Variants in YARS2 observed in about 807,000 individuals in gnomAD.
YARS2 encodes the protein tyrosine--tRNA ligase, mitochondrial.
In YARS2, 38 loss-of-function variants were observed where a neutral mutation model predicts 45.0. The observed-to-expected ratio is 0.84, with a 90% CI of 0.65 to 1.11. The LOEUF (loss-of-function observed/expected upper bound fraction) is 1.11, where lower values mean the gene tolerates loss of function less well. YARS2 is among the 50% of genes least tolerant of loss of function. YARS2 has a pLI of 0.00. For missense variants in YARS2, 602 were observed against 599.8 expected, an observed-to-expected ratio of 1.00 and a Z score of -0.04; for synonymous variants, 287 against 245.1, an observed-to-expected ratio of 1.17 and a Z score of -1.60.
At position 32,750,042 on chromosome 12, in the gene YARS2, T is replaced by C; in HGVS notation, c.1169A>G (p.Lys390Arg). The stretch of plus-strand genomic sequence containing the variant: ...AAATGGAGCTTCTTTAAACAACTCT[T>C]TTAACTCCTGATCAGACATGACCTC... ...ALEVMSDQELKELFKEAPFSE... is the reference protein window; with the variant it reads ...ALEVMSDQELRELFKEAPFSE... Residue 390 changes from lysine to arginine, a missense_variant, in exon 4 of 5, where the codon AAA becomes AGA. By Grantham distance (26) the Lys-to-Arg change is conservative. Transcript: ENST00000324868. The C allele has an allele frequency of 6.2e-7, 1 of 1,614,024 alleles. No homozygotes were observed. Among genetic ancestry groups the C allele is most frequent in the Non-Finnish European group, 8.5e-7 (1 of 1,179,894 alleles).
chr12:32,753,365 C>G (rs1955785316), intron 2 of YARS2, among the ~76,000 whole-genome samples: 1 of 152,204 alleles, frequency 6.6e-6, no homozygotes, highest in African/African-American at 2.4e-5. Flanking sequence ...TGCTCAATAG[C>G]ATCTTTTAAT....
intron 2 of YARS2, among the ~76,000 whole-genome samples, chr12:32,753,427 T>A (rs1206331165): frequency 2.6e-5 from 4 of 152,244 alleles, no homozygotes; most frequent in African/African-American, 9.6e-5. Flanking sequence ...TATTCCTAGA[T>A]TACTTTGATG....
rs1017570015 is a variant in YARS2 at position 32,754,001 on chromosome 12, G to A, written c.864C>T (p.Asn288=). 13 of 1,614,062 alleles carry A rather than the reference G, an allele frequency of 8.1e-6. No homozygotes were observed. The highest frequency in any genetic ancestry group is 1.0e-5 in the Non-Finnish European group (12 of 1,180,040). The change falls in exon 2 of 5, where the codon AAC becomes AAT. Residue 288 remains asparagine, a synonymous_variant. Transcript: ENST00000324868. ...TCTTATCTCTGTTTAGCCAAACAGC[G>A]TTGCCAGCAGACTTTCCCAGCTTTG... is the stretch of plus-strand genomic sequence containing the variant. ...TGAKLGKSAG[N]AVWLNRDKTS...
chr12:32,750,984 T>TA, intron 2 of YARS2, 110 bp from the exon 3 acceptor site: 1 of 1,229,862 alleles, frequency 8.1e-7, no homozygotes, highest in South Asian at 1.3e-5. Flanking sequence ...GAAACAAACA[T>TA]ACAGAAATGT....
rs1955834072 is a variant in YARS2 at position 32,755,624 on chromosome 12, G to C, written c.251C>G (p.Ala84Gly). Residue 84 changes from alanine (A) to glycine (G), a missense_variant, in exon 1 of 5, where the codon GCA (alanine) becomes GGA (glycine). Transcript: ENST00000324868. ...TAGATGACCCACATGAAGCGAGTCT[G>C]CCGTGGGGTCGAAGCCACAGTAAAT... ...QTIYCGFDPT[A>G]DSLHVGHLLA... 6.2e-7 allele frequency: 1 copy of C among 1,614,174 alleles called. No homozygotes were observed. The highest frequency in any genetic ancestry group is 8.5e-7 in the Non-Finnish European group (1 of 1,180,002).
At chr12:32,753,362 T>G (rs1955785129) in intron 2 of YARS2, among the ~76,000 whole-genome samples, 1 of 152,268 alleles carries the variant, frequency 6.6e-6, no homozygotes, top group African/African-American at 2.4e-5. Flanking sequence ...TTTTGCTCAA[T>G]AGCATCTTTT....
At position 32,755,340 on chromosome 12, in the gene YARS2, T is replaced by G. The variant is rs147630375; in HGVS notation, c.535A>C (p.Lys179Gln). Residue 179 changes from lysine (K) to glutamine (Q), a missense_variant, in exon 1 of 5, where the codon AAG becomes CAG. By Grantham distance (53) the Lys-to-Gln change is moderately conservative. Transcript: ENST00000324868. ...TVLDNSAWYQ[K>Q]QHLVDFLAAV... ...GCCAGGAAGTCCACCAGGTGCTGCT[T>G]CTGGTACCAGGCCGAGTTGTCCAGC... The G allele has an allele frequency of 9.7e-4, 1,559 of 1,614,136 alleles. 1 individual carries two copies. The highest frequency in any genetic ancestry group is 1.2e-3 in the South Asian group (110 of 91,078).
chr12:32,752,671 G>T (rs959821465), intron 2 of YARS2: 1 of 292,560 alleles, frequency 3.4e-6, no homozygotes, highest in Non-Finnish European at 6.8e-6. Flanking sequence ...AACCCAGGAG[G>T]CGGAGGTTGC....
At chr12:32,753,818 T>C in intron 2 of YARS2, 100 bp downstream of exon 2, 1 of 1,519,656 alleles carries the variant, frequency 6.6e-7, no homozygotes. Context: ...GAAACTACGT[T>C]AAAAACAAAA....
At chr12:32,750,177 C>T in intron 3 of YARS2, 70 bp from the exon 4 acceptor site, 1 of 1,584,064 alleles carries the variant, frequency 6.3e-7, no homozygotes, top group Non-Finnish European at 8.6e-7. Flanking sequence ...TACCCATTAA[C>T]CAATTATAGA....
chr12:32,747,747 G>C (rs1006662222), intron 4 of YARS2, among the ~76,000 whole-genome samples: 4 of 152,128 alleles, frequency 2.6e-5, no homozygotes, highest in Non-Finnish European at 5.9e-5. Context: ...TGTTAGCCAG[G>C]CTGGTCTCAA....
At position 32,747,188 on chromosome 12, in the gene YARS2, C is replaced by G; in HGVS notation, c.*16G>C. 6.2e-7 allele frequency: 1 copy of G among 1,611,560 alleles called. No homozygotes were observed. The highest frequency in any genetic ancestry group is 2.2e-5 in the East Asian group (1 of 44,834). On this transcript the variant is annotated 3_prime_UTR_variant, in exon 5 of 5. Transcript: ENST00000324868. ...ATGATGGGTAAGTTTATTTGGACAA[C>G]CAGAAGGACTTTTCATCACAACTGA...
rs1441355181 is a variant in YARS2 at position 32,755,534 on chromosome 12, C to A, written c.341G>T (p.Gly114Val). The A allele has an allele frequency of 6.2e-7, 1 of 1,613,268 alleles. No individual in the cohort carries two copies. Among genetic ancestry groups the A allele is most frequent in the African/African-American group, 1.3e-5 (1 of 74,950 alleles). ...AGHNVIALVG[G>V]ATARLGDPSG... ...CGGGTCTCCCAGGCGCGCCGTGGCG[C>A]CTCCCACCAGCGCGATCACGTTGTG... The change falls in exon 1 of 5, where the codon GGC (glycine) becomes GTC (valine). Residue 114 changes from glycine to valine, a missense_variant. Physicochemically the swap from Gly to Val is moderately radical, Grantham distance 109. Transcript: ENST00000324868.
At chr12:32,752,390 TAATATATATAAAGTA>T (rs996421160) in intron 2 of YARS2, among the ~76,000 whole-genome samples, 19 of 152,074 alleles carry the variant, frequency 1.2e-4, no homozygotes, top group Admixed American at 3.9e-4. Context: ...GATTTAAAGG[TAATATATATAAAGTA>T]ATTGTATTTC....
In YARS2 at chr12:32,750,038, CTCT is replaced by C; in HGVS notation, c.1170_1172del (p.Glu391del). The C allele has an allele frequency of 6.2e-7, 1 of 1,614,040 alleles. No individual in the cohort carries two copies. Reference sequence around the variant, plus strand: ...CAGAAAATGGAGCTTCTTTAAACAACTCTTTTAACTCCTGATCAGACATGACCT... The same window carrying C: ...CAGAAAATGGAGCTTCTTTAAACAACTTTAACTCCTGATCAGACATGACCT... On this transcript the variant is annotated inframe_deletion, in exon 4 of 5. Transcript: ENST00000324868.
At chr12:32,754,475 A>AT (rs1156948955) in intron 1 of YARS2, among the ~76,000 whole-genome samples, 1 of 152,158 alleles carries the variant, frequency 6.6e-6, no homozygotes, top group Non-Finnish European at 1.5e-5. Context: ...TCTCAAGAAA[A>AT]TGCTATTAGA....
rs1167016632 is a variant in YARS2, at chr12:32,755,622, C to G, written c.253G>C (p.Asp85His). 6.2e-7 allele frequency: 1 copy of G among 1,614,136 alleles called. No individual in the cohort carries two copies. Among genetic ancestry groups the G allele is most frequent in the South Asian group, 1.1e-5 (1 of 91,092 alleles). The change falls in exon 1 of 5, where the codon GAC becomes CAC. Residue 85 changes from aspartate to histidine, a missense_variant. Physicochemically the swap from Asp to His is moderately conservative, Grantham distance 81 (BLOSUM62 -1). Coordinates refer to ENST00000324868, the MANE Select transcript of YARS2 (RefSeq NM_001040436.3). Reference protein sequence around the residue: ...TIYCGFDPTADSLHVGHLLAL... With the variant: ...TIYCGFDPTAHSLHVGHLLAL... ...AGTAGATGACCCACATGAAGCGAGT[C>G]TGCCGTGGGGTCGAAGCCACAGTAA...
Position 32,755,765 on chromosome 12 carries a change from C to A in YARS2, c.110G>T (p.Gly37Val), listed in dbSNP as rs866850131. ...TCGAGCCTTCTGCGCTGCCAGTAAC[C>A]CCTGAGCGCCCGAGTGGGCCTTACG... ...GLRKAHSGAQ[G>V]LLAAQKARGL... is the part of the protein sequence containing the mutation. The change falls in exon 1 of 5, where the codon GGG (glycine) becomes GTG (valine). Residue 37 changes from glycine (G) to valine (V), a missense_variant. Physicochemically the swap from Gly to Val is moderately radical, Grantham distance 109 (BLOSUM62 -3). Transcript: ENST00000324868. 6.2e-7 allele frequency: 1 copy of A among 1,613,984 alleles called. No homozygotes were observed.
chr12:32,754,169 G>C, intron 1 of YARS2, 84 bp from the exon 2 acceptor site: 1 of 1,547,434 alleles, frequency 6.5e-7, no homozygotes, highest in Non-Finnish European at 8.9e-7. Flanking sequence ...TTTCTTTCTG[G>C]TTACTTGCTC....
Sources: gnomAD v4.1 joint callset for allele counts (sites outside exome capture counted in the v4.1 genomes callset) on GRCh38, gnomAD v4.1.1 for gene constraint, MANE v1.5 for transcripts, NCBI Gene and HGNC (gene_info 2026-07-23, HGNC 2026-07-21) for gene names.